Variants in SP140 observed in about 807,000 individuals in gnomAD.
SP140 encodes nuclear body protein SP140.
SP140 carries 81 observed loss-of-function variants against 125.0 expected under a neutral mutation model. The ratio of observed to expected loss-of-function variants is 0.65; its 90% CI spans 0.54 to 0.78. The LOEUF is 0.78. Among genes scored for constraint, SP140 ranks in the 30% least tolerant of loss-of-function variants. The probability of loss-of-function intolerance (pLI) is 0.00; values close to 1 mark genes in which losing one functional copy is unlikely to be tolerated. For missense variants in SP140, 858 were observed against 1,037.0 expected, an observed-to-expected ratio of 0.83 and a Z score of 2.37; for synonymous variants, 312 against 354.0, an observed-to-expected ratio of 0.88 and a Z score of 1.33.
At chr2:230,216,900 C>G (rs995478083) in intron 3 of SP140, 1 of 1,613,762 alleles carries the variant, frequency 6.2e-7, no homozygotes, top group African/African-American at 1.3e-5. Context: ...AAAAGAGCCT[C>G]TTCCATGGCT....
intron 15 of SP140, among the ~76,000 whole-genome samples, chr2:230,273,427 T>C: frequency 6.6e-6 from 1 of 152,286 alleles, no homozygotes; most frequent in East Asian, 1.9e-4. Context: ...TGACTATTAT[T>C]AAAAGGTCTA....
the SP140 span, among the ~76,000 whole-genome samples, chr2:230,189,318 G>A: frequency 3.3e-5 from 5 of 151,900 alleles, no homozygotes; most frequent in African/African-American, 1.2e-4. Context: ...GGCATTTAGC[G>A]CTATGAACTT....
At chr2:230,306,847 A>G (rs1325921830) in intron 22 of SP140, among the ~76,000 whole-genome samples, 1 of 152,188 alleles carries the variant, frequency 6.6e-6, no homozygotes, top group Non-Finnish European at 1.5e-5. Context: ...GGAAAGGCAG[A>G]CAGGCTCCTG....
At chr2:230,230,348 G>A (rs913883794) in intron 1 of SP140, 1 of 152,102 alleles carries the variant, frequency 6.6e-6, no homozygotes, top group Admixed American at 6.5e-5. Context: ...AGAATGCAAG[G>A]TCTGAAAAAT....
At chr2:230,199,148 ATTTTTTTTT>A (rs113583785), upstream of SP140, among the ~76,000 whole-genome samples, 3 of 139,102 alleles carry the variant, frequency 2.2e-5, no homozygotes, top group South Asian at 2.2e-4. Flanking sequence ...TATTATTATT[ATTTTTTTTT>A]TTTTTTAGTG....
intron 2 of SP140, 60 bp from the exon 3 acceptor site, chr2:230,238,152 TA>T: frequency 1.6e-6 from 2 of 1,256,834 alleles, no homozygotes; most frequent in Non-Finnish European, 2.2e-6. Flanking sequence ...ATCTACAACC[TA>T]AAAGTCTTTT....
chr2:230,206,693 C>G (rs1325815213), intron 1 of SP140, among the ~76,000 whole-genome samples: 1 of 136,844 alleles, frequency 7.3e-6, no homozygotes, highest in Non-Finnish European at 1.5e-5. Flanking sequence ...AATATAACTT[C>G]CTGATTTCTC....
intron 22 of SP140, among the ~76,000 whole-genome samples, chr2:230,308,587 G>T (rs2059038269): frequency 6.6e-6 from 1 of 152,248 alleles, no homozygotes; most frequent in Non-Finnish European, 1.5e-5. Flanking sequence ...CCACATGGGG[G>T]CTGCGCTCAG....
At chr2:230,223,492 C>A (rs1379890587), upstream of SP140, among the ~76,000 whole-genome samples, 6 of 152,304 alleles carry the variant, frequency 3.9e-5, no homozygotes, top group African/African-American at 1.4e-4. Flanking sequence ...CAATATAGTT[C>A]TAAGAAATTG....
At chr2:230,305,432 G>A (rs903335964) in intron 22 of SP140, among the ~76,000 whole-genome samples, 1 of 152,236 alleles carries the variant, frequency 6.6e-6, no homozygotes, top group Non-Finnish European at 1.5e-5. Context: ...TGAAGTGGCT[G>A]CTGCCATGAA....
At chr2:230,307,990 T>TATATACATAC (rs869070046) in intron 22 of SP140, among the ~76,000 whole-genome samples, 1 of 52,638 alleles carries the variant, frequency 1.9e-5, no homozygotes, top group Non-Finnish European at 3.7e-5. Flanking sequence ...TATATATATA[T>TATATACATAC]ACACACACAC....
the SP140 span, among the ~76,000 whole-genome samples, chr2:230,197,778 C>T: frequency 1.6e-4 from 24 of 151,990 alleles, no homozygotes; most frequent in Non-Finnish European, 2.9e-4. Context: ...CCAGTTTTCC[C>T]AGCACCATTT....
chr2:230,269,949 A>G lies in SP140; in HGVS notation c.1440A>G (p.Thr480=), dbSNP rs1468810009. 1.2e-6 allele frequency: 2 copies of G among 1,611,308 alleles called. No homozygotes were observed. The highest frequency in any genetic ancestry group is 2.2e-5 in the East Asian group (1 of 44,856). Residue 480 remains threonine, a synonymous_variant, in exon 14 of 27, where the codon ACA becomes ACG. Transcript: ENST00000392045. ...ARTESDQACG[T]MDTVDIANNS... is the part of the protein sequence containing the mutation. Reference sequence around the variant, plus strand: ...CGGAAAGTGATCAAGCGTGTGGCACAATGGGTAAGGCTGTCTGAGGGCCGT... The same window carrying G: ...CGGAAAGTGATCAAGCGTGTGGCACGATGGGTAAGGCTGTCTGAGGGCCGT...
intron 15 of SP140, among the ~76,000 whole-genome samples, chr2:230,279,196 A>G (rs571974479): frequency 6.6e-6 from 1 of 152,254 alleles, no homozygotes; most frequent in South Asian, 2.1e-4. Flanking sequence ...AAGATATCTC[A>G]TGTTCATGAA....
intron 1 of SP140, chr2:230,210,119 G>A (rs556540639): frequency 3.0e-4 from 231 of 779,098 alleles, no homozygotes; most frequent in Non-Finnish European, 4.8e-4. Context: ...GCCCAGGGCC[G>A]GGAATCTGCT....
intron 3 of SP140, among the ~76,000 whole-genome samples, chr2:230,218,058 A>G (rs2045420470): frequency 6.6e-6 from 1 of 152,278 alleles, no homozygotes; most frequent in African/African-American, 2.4e-5. Context: ...TTGGCCATTT[A>G]TGGACTGTGA....
chr2:230,246,135 A>G (rs1461204407), intron 7 of SP140, among the ~76,000 whole-genome samples, 195 bp downstream of exon 7: 4 of 152,112 alleles, frequency 2.6e-5, no homozygotes, highest in Admixed American at 2.6e-4. Context: ...CCAGCCATCC[A>G]TCAATCCATG....
At chr2:230,222,052 A>G (rs1023605796), upstream of SP140, among the ~76,000 whole-genome samples, 8 of 152,196 alleles carry the variant, frequency 5.3e-5, no homozygotes, top group African/African-American at 1.9e-4. Context: ...ACATGGCAAA[A>G]TCCCGTCTCT....
At chr2:230,244,044 A>G (rs2049072666) in intron 5 of SP140, among the ~76,000 whole-genome samples, 1 of 152,168 alleles carries the variant, frequency 6.6e-6, no homozygotes, top group African/African-American at 2.4e-5. Flanking sequence ...GATTATACCT[A>G]CCCACCACTT....
Sources: gnomAD v4.1 joint callset for allele counts (sites outside exome capture counted in the v4.1 genomes callset) on GRCh38, gnomAD v4.1.1 for gene constraint, MANE v1.5 for transcripts, NCBI Gene and HGNC (gene_info 2026-07-23, HGNC 2026-07-21) for gene names.